Variants in PCDH11X observed in about 807,000 individuals in gnomAD.
The protein encoded by PCDH11X is protocadherin 11 X-linked, also known as protocadherin-11 X-linked.
PCDH11X carries 18 observed loss-of-function variants against 53.3 expected under a neutral mutation model. The observed-to-expected ratio is 0.34, with a 90% CI of 0.23 to 0.50. PCDH11X has a LOEUF of 0.50. PCDH11X is among the 20% of genes least tolerant of loss of function. PCDH11X has a pLI of 0.98. For synonymous variants in PCDH11X, 279 were observed against 393.3 expected, an observed-to-expected ratio of 0.71 and a Z score of 3.44; for missense variants, 570 against 1,032.4, an observed-to-expected ratio of 0.55 and a Z score of 6.14.
rs1284937510 is a variant in PCDH11X, at chrX:92,622,543, C to A, written c.*3603C>A. 4 of 110,319 alleles carry A rather than the reference C, an allele frequency of 3.6e-5. No homozygotes were observed. The East Asian group carries it at 8.4e-4, about 23-fold the overall frequency. 9.1% of individuals were successfully genotyped at this position (110,319 alleles called of 1,213,427 possible). A position where few individuals can be genotyped will look rare whatever the true frequency, so the allele number is the denominator to read the frequency against. On this transcript the variant is annotated 3_prime_UTR_variant, in exon 11 of 11. Transcript: ENST00000682573. ...ATAATTATTATTTCTTATCTTTCTTCTTTTATATTTTTTGGAAACCAAATT... is the reference window on the plus strand; with the variant it reads ...ATAATTATTATTTCTTATCTTTCTTATTTTATATTTTTTGGAAACCAAATT...
chrX:92,101,775 G>A (rs184101898), intron 6 of PCDH11X, among the ~76,000 whole-genome samples: 2,605 of 110,554 alleles, frequency 0.024, 78 homozygotes, highest in African/African-American at 0.082. Context: ...CCTGGGTGGG[G>A]GCAAATCCTT....
intron 1 of PCDH11X, among the ~76,000 whole-genome samples, chrX:91,787,803 T>C (rs1460830073): frequency 1.8e-5 from 2 of 108,890 alleles, no homozygotes; most frequent in Non-Finnish European, 3.8e-5. Context: ...AGTTCTGTCT[T>C]TGAAAAGCTT....
chrX:92,617,958 T>A (rs1275744015), intron 10 of PCDH11X, among the ~76,000 whole-genome samples: 1 of 111,308 alleles, frequency 9.0e-6, no homozygotes, highest in Non-Finnish European at 1.9e-5. Flanking sequence ...TTCAGCTGAC[T>A]TGCATGTATA....
At chrX:92,500,316 TG>T (rs1198916439) in intron 10 of PCDH11X, among the ~76,000 whole-genome samples, 1 of 111,841 alleles carries the variant, frequency 8.9e-6, no homozygotes, top group African/African-American at 3.2e-5. Flanking sequence ...AAAAATCAAC[TG>T]ATTTCTCCTA....
At chrX:91,892,574 A>C (rs1269618541) in intron 6 of PCDH11X, among the ~76,000 whole-genome samples, 2 of 110,918 alleles carry the variant, frequency 1.8e-5, no homozygotes, top group African/African-American at 6.6e-5. Context: ...TGCCTCCATA[A>C]ATCTGCACAA....
intron 8 of PCDH11X, among the ~76,000 whole-genome samples, chrX:92,340,026 T>C (rs1390559627): frequency 1.4e-4 from 16 of 111,832 alleles, no homozygotes; most frequent in Admixed American, 4.7e-4. Flanking sequence ...AAAACCAGCA[T>C]TGGGTAAACA....
intron 10 of PCDH11X, among the ~76,000 whole-genome samples, chrX:92,477,391 G>A (rs1321741881): frequency 9.6e-6 from 1 of 103,792 alleles, no homozygotes; most frequent in African/African-American, 3.6e-5. Context: ...CCAACATGAG[G>A]CCATGGAGAA....
chrX:92,594,390 C>A (rs995893482), intron 10 of PCDH11X, among the ~76,000 whole-genome samples: 1 of 110,910 alleles, frequency 9.0e-6, no homozygotes, highest in Non-Finnish European at 1.9e-5. Flanking sequence ...GAAGCATTGT[C>A]AAGTAGAAAA....
At chrX:91,886,987 GA>G (rs1349419005) in intron 6 of PCDH11X, among the ~76,000 whole-genome samples, 1 of 80,911 alleles carries the variant, frequency 1.2e-5, no homozygotes, top group Non-Finnish European at 2.2e-5. Context: ...AAAAAAAAAA[GA>G]AAAGAAAAGA....
chrX:92,179,875 T>G (rs2065966485), intron 6 of PCDH11X, among the ~76,000 whole-genome samples: 1 of 111,918 alleles, frequency 8.9e-6, no homozygotes, highest in Admixed American at 9.5e-5. Flanking sequence ...TGTTACCATA[T>G]TCAGTGATCA....
At chrX:91,823,803 T>C (rs988285134) in intron 4 of PCDH11X, among the ~76,000 whole-genome samples, 8 of 111,672 alleles carry the variant, frequency 7.2e-5, no homozygotes, top group East Asian at 2.8e-4. Context: ...GATTTTGCAG[T>C]GGCTGGTACC....
chrX:92,434,860 C>A (rs1487820062), intron 9 of PCDH11X, among the ~76,000 whole-genome samples: 1 of 109,138 alleles, frequency 9.2e-6, no homozygotes, highest in African/African-American at 3.4e-5. Context: ...AGAAGTCTAT[C>A]GACTCAATCT....
chrX:92,484,652 G>A (rs1337990055), intron 10 of PCDH11X, among the ~76,000 whole-genome samples: 1 of 109,992 alleles, frequency 9.1e-6, no homozygotes, highest in Admixed American at 9.9e-5. Flanking sequence ...AACCTCATAT[G>A]TTCTCACTCA....
intron 6 of PCDH11X, among the ~76,000 whole-genome samples, chrX:91,988,814 C>CT (rs1304755704): frequency 4.5e-5 from 5 of 111,497 alleles, no homozygotes; most frequent in African/African-American, 1.3e-4. Flanking sequence ...AATACAATCG[C>CT]TTAGGGTTCT....
At chrX:92,105,602 C>T (rs2064364724) in intron 6 of PCDH11X, among the ~76,000 whole-genome samples, 1 of 104,271 alleles carries the variant, frequency 9.6e-6, no homozygotes, top group African/African-American at 3.6e-5. Flanking sequence ...AAATTACAGT[C>T]AAAGGGGGTT....
intron 6 of PCDH11X, among the ~76,000 whole-genome samples, chrX:92,101,771 TG>T (rs1197510318): frequency 8.9e-4 from 98 of 109,714 alleles, no homozygotes; most frequent in Non-Finnish European, 9.7e-4. Flanking sequence ...CAGTCCTGGG[TG>T]GGGGCAAATC....
At position 92,604,001 on chromosome X, in the gene PCDH11X, C is replaced by T. The variant is rs1031033129; in HGVS notation, c.3368-14263C>T. On this transcript the variant is annotated intron_variant, in intron 10 of 10. Transcript: ENST00000682573. ...ATATATACATATATAATTATATATACACAATTATATATAATTTTGTTCAGT... is the reference window on the plus strand; with the variant it reads ...ATATATACATATATAATTATATATATACAATTATATATAATTTTGTTCAGT... 3.8e-5 allele frequency among the ~76,000 whole-genome samples: 4 copies of T among 106,135 alleles called. No homozygotes were observed. In the South Asian group the frequency reaches 1.2e-3, roughly 32 times the overall value. 92.2% of individuals were successfully genotyped at this position (106,135 alleles called of 115,157 possible).
intron 6 of PCDH11X, among the ~76,000 whole-genome samples, chrX:91,905,531 C>T (rs1941121242): frequency 9.0e-6 from 1 of 111,159 alleles, no homozygotes; most frequent in Non-Finnish European, 1.9e-5. Flanking sequence ...AAATGCTTTT[C>T]TCTTTTTCAT....
chrX:92,511,188 G>A (rs1160011088), intron 10 of PCDH11X, among the ~76,000 whole-genome samples: 2 of 111,894 alleles, frequency 1.8e-5, no homozygotes, highest in Admixed American at 9.5e-5. Context: ...TAGTATCTGC[G>A]ATATAGGTCT....
Sources: gnomAD v4.1 joint callset for allele counts (sites outside exome capture counted in the v4.1 genomes callset) on GRCh38, gnomAD v4.1.1 for gene constraint, MANE v1.5 for transcripts, NCBI Gene and HGNC (gene_info 2026-07-23, HGNC 2026-07-21) for gene names.